PDZD2: variants seen among roughly 807,000 people sequenced by gnomAD.
PDZD2 encodes the protein PDZ domain containing 2, also known as PDZ domain-containing protein 2.
A neutral mutation model predicts 220.7 loss-of-function variants in PDZD2; 90 were observed. The observed-to-expected ratio is 0.41, with a 90% CI of 0.34 to 0.49. The LOEUF (loss-of-function observed/expected upper bound fraction) is 0.49. Among genes scored for constraint, PDZD2 ranks in the 20% least tolerant of loss-of-function variants. PDZD2 has a pLI of 0.28. For synonymous variants in PDZD2, 1,375 were observed against 1,450.5 expected (o/e 0.95, Z 1.18); for missense variants, 3,174 against 3,608.5 (o/e 0.88, Z 3.08).
chr5:31,702,298 G>A (rs183547940), intron 1 of PDZD2, among the ~76,000 whole-genome samples: 24 of 152,286 alleles, frequency 1.6e-4, no homozygotes, highest in African/African-American at 5.1e-4. Flanking sequence ...TGTGCAGATG[G>A]CAAAACTAAG....
chr5:32,035,028 G>A (rs10472801), intron 6 of PDZD2, among the ~76,000 whole-genome samples: 2,770 of 152,254 alleles, frequency 0.018, 69 homozygotes, highest in African/African-American at 0.059. Flanking sequence ...TTGTATGTCA[G>A]AATTAATTTG....
intron 1 of PDZD2, among the ~76,000 whole-genome samples, chr5:31,795,668 G>A (rs1753980688): frequency 6.6e-6 from 1 of 152,154 alleles, no homozygotes; most frequent in Non-Finnish European, 1.5e-5. Context: ...TTTGCACACT[G>A]GAGTGTTTTA....
At chr5:32,077,831 C>T (rs1741453088) in intron 19 of PDZD2, 1 of 432,020 alleles carries the variant, frequency 2.3e-6, no homozygotes. Flanking sequence ...GTGGTGCGCA[C>T]CTTTAATCCC....
At chr5:31,800,820 C>T (rs1289632820) in intron 2 of PDZD2, among the ~76,000 whole-genome samples, 2 of 152,174 alleles carry the variant, frequency 1.3e-5, no homozygotes, top group African/African-American at 4.8e-5. Context: ...GGGAGTAAGG[C>T]TCCTATGTCC....
rs1745320031 is a variant in PDZD2, at chr5:32,110,821, A to AAT, written c.*2688_*2689dup. ...TTAAAGAGTAAGTGCAATAATATGA[A>AAT]ATAGCCTGTACATTTTAAAAATGTT... On this transcript the variant is annotated 3_prime_UTR_variant, in exon 25 of 25. Transcript: ENST00000438447. The AAT allele has an allele frequency of 6.6e-6, 1 of 152,542 alleles. No individual in the cohort carries two copies. Among genetic ancestry groups the AAT allele is most frequent in the South Asian group, 2.1e-4 (1 of 4,830 alleles). The allele number at this position is 152,542 out of a possible 1,614,324, so 9.4% of individuals were successfully genotyped here.
In PDZD2 at chr5:31,639,576, G is replaced by C. The variant is rs1212883774; in HGVS notation, c.-361+139G>C. 1 of 152,224 alleles carries C rather than the reference G, an allele frequency of 6.6e-6. No individual in the cohort carries two copies. Among genetic ancestry groups the C allele is most frequent in the Non-Finnish European group, 1.5e-5 (1 of 68,040 alleles). 9.4% of individuals were successfully genotyped at this position (152,224 alleles called of 1,614,324 possible). ...GGGTGCGGGAATCCCAGCCCTGGCA[G>C]GGCGGGGAGTGAGGACGCCGAACCG... On this transcript the variant is annotated intron_variant, in intron 1 of 24. Transcript: ENST00000438447. This position sits in a 1 kb window ranked among gnomAD's most constrained non-coding sequence, Gnocchi z 4.1.
intron 6 of PDZD2, among the ~76,000 whole-genome samples, chr5:32,024,038 C>T (rs1055409876): frequency 2.6e-5 from 4 of 152,234 alleles, no homozygotes; most frequent in African/African-American, 9.6e-5. Context: ...ATCAGATCAA[C>T]TATTGTGGTA....
rs559161633 is a variant in PDZD2, at chr5:32,000,106, C to T, written c.1122-33C>T. On this transcript the variant is annotated intron_variant, in intron 4 of 24. Transcript: ENST00000438447. This position sits in a 1 kb window ranked among gnomAD's most constrained non-coding sequence, Gnocchi z 4.5. ...CCTTCTCAGGCCCAGAATGTCTTGA[C>T]AAGGGATCTTTTTCCCATCTCCCTT... 2 of 1,609,802 alleles carry T rather than the reference C, an allele frequency of 1.2e-6. No individual in the cohort carries two copies. Among genetic ancestry groups the T allele is most frequent in the East Asian group, 4.5e-5 (2 of 44,844 alleles).
At chr5:31,645,463 A>C (rs1251437025) in intron 1 of PDZD2, among the ~76,000 whole-genome samples, 3 of 151,222 alleles carry the variant, frequency 2.0e-5, no homozygotes, top group Admixed American at 6.6e-5. Flanking sequence ...CAGCCTCCTG[A>C]GTAGCTGGGA....
intron 1 of PDZD2, among the ~76,000 whole-genome samples, chr5:31,674,012 C>G (rs1348005948): frequency 6.6e-6 from 1 of 152,186 alleles, no homozygotes; most frequent in Non-Finnish European, 1.5e-5. Flanking sequence ...TGGTTCCTCT[C>G]TCTCTTCACC....
intron 6 of PDZD2, among the ~76,000 whole-genome samples, chr5:32,019,534 C>T (rs1178301029): frequency 6.6e-6 from 1 of 152,160 alleles, no homozygotes; most frequent in East Asian, 1.9e-4. Flanking sequence ...GCCAGATGAT[C>T]CCTTGGGGTG....
chr5:31,870,131 T>G (rs1410684719), intron 2 of PDZD2, among the ~76,000 whole-genome samples: 1 of 151,888 alleles, frequency 6.6e-6, no homozygotes, highest in Admixed American at 6.6e-5. Flanking sequence ...TCCTCCGGAG[T>G]TCCCTAGCTC....
At chr5:32,078,658 AAG>A (rs1425543593) in intron 19 of PDZD2, among the ~76,000 whole-genome samples, 4 of 150,830 alleles carry the variant, frequency 2.7e-5, no homozygotes, top group Non-Finnish European at 4.4e-5. Flanking sequence ...AAAAAAAAAA[AAG>A]GAAATTAGTT....
chr5:31,693,193 A>C (rs1372482535), intron 1 of PDZD2, among the ~76,000 whole-genome samples: 3 of 149,804 alleles, frequency 2.0e-5, no homozygotes, highest in Non-Finnish European at 4.4e-5. Flanking sequence ...GAGGACAGGG[A>C]AAAGAGGACA....
chr5:32,000,344 C>CCA lies in PDZD2; in HGVS notation c.1254+86_1254+87dup, dbSNP rs149074871. The CCA allele has an allele frequency of 5.8e-5, 80 of 1,381,270 alleles. No homozygotes were observed. The highest frequency in any genetic ancestry group is 3.6e-4 in the African/African-American group (25 of 70,190). 85.6% of individuals were successfully genotyped at this position (1,381,270 alleles called of 1,614,324 possible). ...TTGGGGTTGAGCCCCACCTCCCATG[C>CCA]CACACACACACACAAAGACATGTGT... On this transcript the variant is annotated intron_variant, in intron 5 of 24. Transcript: ENST00000438447. This position sits in a 1 kb window ranked among gnomAD's most constrained non-coding sequence, Gnocchi z 4.5.
chr5:32,011,717 A>T (rs1753336174), intron 6 of PDZD2, among the ~76,000 whole-genome samples: 1 of 152,182 alleles, frequency 6.6e-6, no homozygotes, highest in African/African-American at 2.4e-5. Flanking sequence ...AGCTTTGCTT[A>T]GAATAAGGCC....
chr5:31,731,242 A>G (rs1441637952), intron 1 of PDZD2, among the ~76,000 whole-genome samples: 1 of 152,216 alleles, frequency 6.6e-6, no homozygotes, highest in Non-Finnish European at 1.5e-5. Flanking sequence ...GAGGCCCAGA[A>G]TGATAGGGCT....
chr5:31,864,827 T>C (rs1201632285), intron 2 of PDZD2, among the ~76,000 whole-genome samples: 1 of 149,580 alleles, frequency 6.7e-6, no homozygotes, highest in Admixed American at 6.7e-5. Context: ...TTGTATCTTG[T>C]ATGAGATTTG....
At chr5:32,024,692 AAGAAAG>A in intron 6 of PDZD2, among the ~76,000 whole-genome samples, 1 of 105,300 alleles carries the variant, frequency 9.5e-6, no homozygotes, top group Non-Finnish European at 2.4e-5. Flanking sequence ...CAAAAAAAAA[AAGAAAG>A]AAAAAAAAGA....
Sources: gnomAD v4.1 joint callset for allele counts (sites outside exome capture counted in the v4.1 genomes callset) on GRCh38, gnomAD v4.1.1 for gene constraint, Gnocchi (gnomAD v3.1) non-coding constraint, MANE v1.5 for transcripts, NCBI Gene and HGNC (gene_info 2026-07-23, HGNC 2026-07-21) for gene names.